The following FKBP9 variants were observed in gnomAD, a reference collection of about 807,000 sequenced individuals.
The protein encoded by FKBP9 is peptidyl-prolyl cis-trans isomerase FKBP9.
In FKBP9, 27 loss-of-function variants were observed where a neutral mutation model predicts 55.6. The observed-to-expected ratio is 0.49, with a 90% CI of 0.36 to 0.67. The LOEUF (loss-of-function observed/expected upper bound fraction) is 0.67. Ranked by LOEUF, FKBP9 falls within the 30% of genes least tolerant of loss-of-function variation. The pLI, the probability that FKBP9 is intolerant of heterozygous loss-of-function variation, is 0.00. For synonymous variants in FKBP9, 267 were observed against 296.5 expected (o/e 0.90, Z 1.02); for missense variants, 539 against 742.8 (o/e 0.73, Z 3.19).
At chr7:32,984,300 T>G (rs1784536222) in intron 5 of FKBP9, among the ~76,000 whole-genome samples, 1 of 152,076 alleles carries the variant, frequency 6.6e-6, no homozygotes. Context: ...GTGATGTGAT[T>G]GCAGCCCACT....
At position 33,005,192 on chromosome 7, in the gene FKBP9, C is replaced by T. The variant is rs574102091; in HGVS notation, c.1554C>T (p.His518=). The change falls in exon 10 of 10, where the codon CAC becomes CAT. Residue 518 remains histidine, a synonymous_variant. Coordinates refer to ENST00000242209, the MANE Select transcript of FKBP9 (RefSeq NM_007270.5). The part of the protein sequence containing the change: ...VLLEEFSEYI[H]AQVASGKGKL... The stretch of plus-strand genomic sequence containing the variant: ...TTTTCCAGTTCTCAGAGTACATTCA[C>T]GCCCAGGTGGCATCTGGCAAAGGGA... The T allele has an allele frequency of 2.8e-5, 45 of 1,613,708 alleles. No individual in the cohort carries two copies. Among genetic ancestry groups the T allele is most frequent in the South Asian group, 1.5e-4 (14 of 91,066 alleles).
At chr7:32,969,645 A>T (rs10275880) in intron 1 of FKBP9, among the ~76,000 whole-genome samples, 2,450 of 152,288 alleles carry the variant, frequency 0.016, 25 homozygotes, top group Non-Finnish European at 0.027. Flanking sequence ...TTTCAAAATC[A>T]GGAAGTGTGA....
chr7:32,988,015 CAA>C (rs70989919), intron 5 of FKBP9, among the ~76,000 whole-genome samples: 32 of 144,982 alleles, frequency 2.2e-4, no homozygotes, highest in Non-Finnish European at 2.3e-4. Context: ...CCCATCTCTA[CAA>C]AAAAAAAAAA....
intron 8 of FKBP9, chr7:33,002,192 G>A (rs534373605): frequency 1.9e-5 from 3 of 154,658 alleles, no homozygotes; most frequent in Admixed American, 1.9e-4. Context: ...GAAGTGCAAT[G>A]GCGCGATCTC....
At position 32,980,423 on chromosome 7, in the gene FKBP9, A is replaced by T. The variant is rs148953313; in HGVS notation, c.763A>T (p.Asn255Tyr). The T allele has an allele frequency of 2.7e-5, 43 of 1,613,718 alleles. No homozygotes were observed. In the Admixed American group the frequency reaches 6.2e-4, roughly 23 times the overall value. ...VFDVALLDLHNPKDSISIENK... is the reference protein window; with the variant it reads ...VFDVALLDLHYPKDSISIENK... ...TGATGTTGCATTATTGGACCTCCAT[A>T]ACCCCAAGGACAGCATTTCCATTGA... Residue 255 changes from asparagine to tyrosine, a missense_variant, in exon 5 of 10, where the codon AAC (asparagine) becomes TAC (tyrosine). Around this residue, in one of 4 missense-constraint regions of FKBP9, gnomAD observed 172 missense variants for 205.3 expected, o/e 0.84. Coordinates refer to ENST00000242209, the MANE Select transcript of FKBP9 (RefSeq NM_007270.5).
chr7:32,957,925 C>T (rs1471954033), intron 1 of FKBP9, 131 bp downstream of exon 1: 5 of 722,248 alleles, frequency 6.9e-6, no homozygotes, highest in Non-Finnish European at 6.1e-6. Flanking sequence ...TTCCGCTGCC[C>T]AGATCCTCCC....
rs777620241 is a variant in FKBP9 at position 32,980,595 on chromosome 7, TTAAA to T, written c.893+47_893+50del. On this transcript the variant is annotated intron_variant, in intron 5 of 9. Transcript: ENST00000242209. Reference sequence around the variant, plus strand: ...AGTCTTCAATTGCCAGAACATTGTATTAAATAAAGTCTGCCATTGGCTGGACCAT... The same window carrying T: ...AGTCTTCAATTGCCAGAACATTGTATTAAAGTCTGCCATTGGCTGGACCAT... 3.8e-6 allele frequency: 6 copies of T among 1,597,970 alleles called. No individual in the cohort carries two copies. In the East Asian group the frequency reaches 1.3e-4, roughly 36 times the overall value.
chr7:32,962,768 G>C (rs1784050540), intron 1 of FKBP9, among the ~76,000 whole-genome samples: 1 of 151,682 alleles, frequency 6.6e-6, no homozygotes, highest in Non-Finnish European at 1.5e-5. Context: ...GAATAAAACA[G>C]AAATCTCTGC....
In FKBP9 at chr7:32,964,533, TCTGAGGAGCTATGAA is replaced by T. The variant is rs1467660918; in HGVS notation, c.221+6740_221+6754del. On this transcript the variant is annotated intron_variant, in intron 1 of 9. Coordinates refer to ENST00000242209, the MANE Select transcript of FKBP9 (RefSeq NM_007270.5). ...CAGCTCATGTTTCAGGGTCTGATTCTCTGAGGAGCTATGAATGGAGGCGTTCTCTTTCATTTCTTC... is the reference window on the plus strand; with the variant it reads ...CAGCTCATGTTTCAGGGTCTGATTCTTGGAGGCGTTCTCTTTCATTTCTTC... Among the ~76,000 whole-genome samples, 7 of 152,346 alleles carry T rather than the reference TCTGAGGAGCTATGAA, an allele frequency of 4.6e-5. No homozygotes were observed. The East Asian group carries it at 1.3e-3, about 29-fold the overall frequency.
chr7:32,975,587 G>A (rs1418083946), intron 3 of FKBP9, among the ~76,000 whole-genome samples: 1 of 151,914 alleles, frequency 6.6e-6, no homozygotes, highest in African/African-American at 2.4e-5. Flanking sequence ...ACATTGAAGA[G>A]CAGTGTTTAT....
chr7:32,973,606 T>TGTGTGTGTGTGTGTGTG (rs1583847771), intron 1 of FKBP9, among the ~76,000 whole-genome samples: 4 of 146,680 alleles, frequency 2.7e-5, no homozygotes, highest in East Asian at 4.0e-4. Flanking sequence ...TGTGTGTGTG[T>TGTGTGTGTGTGTGTGTG]TAACTTTGGC....
intron 1 of FKBP9, among the ~76,000 whole-genome samples, chr7:32,974,273 TC>T (rs535099194): frequency 0.011 from 1,657 of 152,304 alleles, 13 homozygotes; most frequent in Non-Finnish European, 0.017. Flanking sequence ...GCCTTGGCCT[TC>T]CAAAGCCCTG....
intron 5 of FKBP9, 39 bp downstream of exon 5, chr7:32,980,592 G>T (rs1784457140): frequency 6.2e-7 from 1 of 1,601,620 alleles, no homozygotes; most frequent in African/African-American, 1.3e-5. Context: ...CCAGAACATT[G>T]TATTAAATAA....
chr7:32,977,437 G>A (rs1251532426), intron 4 of FKBP9, among the ~76,000 whole-genome samples: 1 of 152,168 alleles, frequency 6.6e-6, no homozygotes, highest in Non-Finnish European at 1.5e-5. Flanking sequence ...CCTCTAGGCT[G>A]CAAACCTGCA....
Position 33,002,818 on chromosome 7 carries a change from C to A in FKBP9, c.1515C>A (p.Asn505Lys). The stretch of plus-strand genomic sequence containing the variant: ...TTGAAGAAATTGACAAGGATGGCAA[C>A]GGAGAAGTCCTCCTGGAAGAGGTAA... ...NLFEEIDKDG[N>K]GEVLLEEFSE... The change falls in exon 9 of 10, where the codon AAC (asparagine) becomes AAA (lysine). Residue 505 changes from asparagine (N) to lysine (K), a missense_variant. This residue lies in a region of FKBP9 where 102 missense variants were observed against 200.7 expected (regional missense o/e 0.51). Coordinates refer to ENST00000242209, the MANE Select transcript of FKBP9 (RefSeq NM_007270.5). The A allele has an allele frequency of 6.2e-7, 1 of 1,613,870 alleles. No individual in the cohort carries two copies. The highest frequency in any genetic ancestry group is 8.5e-7 in the Non-Finnish European group (1 of 1,179,894).
At position 32,988,584 on chromosome 7, in the gene FKBP9, G is replaced by T. The variant is rs778869322; in HGVS notation, c.971G>T (p.Gly324Val). The T allele has an allele frequency of 1.2e-6, 2 of 1,613,958 alleles. No individual in the cohort carries two copies. The highest frequency in any genetic ancestry group is 1.7e-6 in the Non-Finnish European group (2 of 1,179,862). Reference sequence around the variant, plus strand: ...CCTGGGATGGATGAAGGTCTACTTGGTGTTTGCATTGGAGAAAAGCGAAGG... The same window carrying T: ...CCTGGGATGGATGAAGGTCTACTTGTTGTTTGCATTGGAGAAAAGCGAAGG... ...VIPGMDEGLL[G>V]VCIGEKRRIV... is the part of the protein sequence containing the mutation. The change falls in exon 6 of 10, where the codon GGT becomes GTT. Residue 324 changes from glycine to valine, a missense_variant. This residue lies in a region of FKBP9 where 172 missense variants were observed against 205.3 expected (regional missense o/e 0.84). Transcript: ENST00000242209.
intron 9 of FKBP9, 183 bp downstream of exon 9, chr7:33,003,022 C>T (rs1784962097): frequency 3.4e-6 from 2 of 588,788 alleles, no homozygotes; most frequent in Non-Finnish European, 6.0e-6. Context: ...TGGAAGCTCA[C>T]CATTCCTCTC....
chr7:32,984,306 C>T (rs1383962180), intron 5 of FKBP9, among the ~76,000 whole-genome samples: 2 of 151,884 alleles, frequency 1.3e-5, no homozygotes, highest in Non-Finnish European at 2.9e-5. Flanking sequence ...TGATTGCAGC[C>T]CACTGCAACC....
In FKBP9 at chr7:32,960,123, T is replaced by TTC. The variant is rs1554283725; in HGVS notation, c.221+2330_221+2331insCT. Reference sequence around the variant, plus strand: ...TTGTACTTGTCTTTTTTTTTTTTTTTTTTTTTGAGATGGAATTTTGCTCTT... The same window carrying TTC: ...TTGTACTTGTCTTTTTTTTTTTTTTTTCTTTTTTGAGATGGAATTTTGCTCTT... On this transcript the variant is annotated intron_variant, in intron 1 of 9. Transcript: ENST00000242209. Among the ~76,000 whole-genome samples, 6 of 149,434 alleles carry TTC rather than the reference T, an allele frequency of 4.0e-5. No individual in the cohort carries two copies. In the East Asian group the frequency reaches 1.2e-3, roughly 29 times the overall value.
Sources: allele counts gnomAD v4.1 joint callset (sites outside exome capture counted in the v4.1 genomes callset), GRCh38; gene constraint gnomAD v4.1.1; regional missense constraint gnomAD v4.1.1; transcripts MANE v1.5; gene names NCBI Gene and HGNC (gene_info 2026-07-23, HGNC 2026-07-21).